XKR4: variants seen among roughly 807,000 people sequenced by gnomAD.
The protein encoded by XKR4 is XK-related protein 4.
A neutral mutation model predicts 53.9 loss-of-function variants in XKR4; 12 were observed. The observed-to-expected ratio is 0.22, with a 90% CI of 0.14 to 0.36. The LOEUF (loss-of-function observed/expected upper bound fraction) is 0.36, where lower values mean the gene tolerates loss of function less well. XKR4 is among the 10% of genes least tolerant of loss of function. The probability of loss-of-function intolerance (pLI) is 1.00; values close to 1 mark genes in which losing one functional copy is unlikely to be tolerated. For synonymous variants in XKR4, 354 were observed against 362.4 expected, an observed-to-expected ratio of 0.98 and a Z score of 0.26; for missense variants, 799 against 859.5, an observed-to-expected ratio of 0.93 and a Z score of 0.88.
intron 1 of XKR4, among the ~76,000 whole-genome samples, chr8:55,132,749 G>T (rs1358569794): frequency 6.6e-6 from 1 of 152,152 alleles, no homozygotes; most frequent in Non-Finnish European, 1.5e-5. Context: ...TTCCTAAGTG[G>T]GAAAGCCTGG....
chr8:55,294,368 C>G (rs1272275729), intron 1 of XKR4, among the ~76,000 whole-genome samples: 1 of 152,192 alleles, frequency 6.6e-6, no homozygotes, highest in Non-Finnish European at 1.5e-5. Flanking sequence ...TCCTTCATGA[C>G]ATTATCACTT....
intron 2 of XKR4, among the ~76,000 whole-genome samples, chr8:55,521,765 T>A (rs1292196345): frequency 6.6e-6 from 1 of 152,230 alleles, no homozygotes; most frequent in Non-Finnish European, 1.5e-5. Context: ...ATTAGTGTGG[T>A]CTTTTTCCAC....
intron 2 of XKR4, chr8:55,449,504 GA>G: frequency 7.4e-7 from 1 of 1,355,298 alleles, no homozygotes. Context: ...GCAAGGTCGG[GA>G]GGCTCAGGCG....
At chr8:55,518,380 G>A (rs140301074) in intron 2 of XKR4, among the ~76,000 whole-genome samples, 11 of 151,808 alleles carry the variant, frequency 7.2e-5, no homozygotes, top group East Asian at 1.9e-4. Context: ...TTTTCCTTCC[G>A]TCCTTCCTTC....
intron 1 of XKR4, among the ~76,000 whole-genome samples, chr8:55,122,131 A>G (rs1186762030): frequency 6.6e-6 from 1 of 152,212 alleles, no homozygotes; most frequent in African/African-American, 2.4e-5. Flanking sequence ...TTTCATCCTC[A>G]TTTGTTTGAC....
intron 1 of XKR4, among the ~76,000 whole-genome samples, chr8:55,310,363 A>G (rs1205149753): frequency 6.6e-6 from 1 of 152,176 alleles, no homozygotes; most frequent in Non-Finnish European, 1.5e-5. Context: ...CATCTATAAA[A>G]TGGGAAAAAT....
At chr8:55,478,610 G>C (rs905234271) in intron 2 of XKR4, among the ~76,000 whole-genome samples, 1 of 152,108 alleles carries the variant, frequency 6.6e-6, no homozygotes, top group African/African-American at 2.4e-5. Context: ...CTGGCAAATT[G>C]GATAAAGAGT....
chr8:55,233,779 A>G (rs1231909091), intron 1 of XKR4, among the ~76,000 whole-genome samples: 3 of 152,224 alleles, frequency 2.0e-5, no homozygotes, highest in Admixed American at 2.0e-4. Flanking sequence ...ACCCATTGAA[A>G]CACCCTCCTT....
intron 2 of XKR4, among the ~76,000 whole-genome samples, chr8:55,358,452 T>C (rs1267565548): frequency 6.6e-6 from 1 of 152,202 alleles, no homozygotes; most frequent in Non-Finnish European, 1.5e-5. Flanking sequence ...ACTATGAAGT[T>C]TTATAAAACG....
At chr8:55,109,442 T>C (rs1816202703) in intron 1 of XKR4, among the ~76,000 whole-genome samples, 1 of 152,212 alleles carries the variant, frequency 6.6e-6, no homozygotes, top group African/African-American at 2.4e-5. Flanking sequence ...ACTCAGTATC[T>C]TCCCTGGAGC....
Position 55,263,686 on chromosome 8 carries a change from T to C in XKR4, c.807-93992T>C, listed in dbSNP as rs56003052. ...CCAATATATTGTGCTATATGTGCAA[T>C]TTTGAGCTATGAATTTCTTTCTTTC... On this transcript the variant is annotated intron_variant, in intron 1 of 2. Transcript: ENST00000327381. 3.7e-3 allele frequency among the ~76,000 whole-genome samples: 557 copies of C among 152,328 alleles called. 4 individuals are homozygous for C. The highest frequency in any genetic ancestry group is 0.012 in the African/African-American group (504 of 41,582).
intron 1 of XKR4, among the ~76,000 whole-genome samples, chr8:55,202,760 G>A (rs139031433): frequency 9.7e-4 from 148 of 152,322 alleles, no homozygotes; most frequent in Non-Finnish European, 1.7e-3. Context: ...ATGAATCATC[G>A]TTGATGAAGA....
At chr8:55,365,645 T>C (rs1026526795) in intron 2 of XKR4, among the ~76,000 whole-genome samples, 3 of 134,126 alleles carry the variant, frequency 2.2e-5, no homozygotes, top group Admixed American at 8.2e-5. Flanking sequence ...AGGCGGAGGT[T>C]GCGGTGGGCC....
chr8:55,448,752 C>T (rs1010833029), intron 2 of XKR4, among the ~76,000 whole-genome samples: 1 of 152,224 alleles, frequency 6.6e-6, no homozygotes, highest in Admixed American at 6.5e-5. Flanking sequence ...TAGGCTGAAG[C>T]TTTGCTTCAT....
At chr8:55,186,619 G>C (rs2129360476) in intron 1 of XKR4, among the ~76,000 whole-genome samples, 1 of 152,238 alleles carries the variant, frequency 6.6e-6, no homozygotes, top group African/African-American at 2.4e-5. Context: ...CGGTGCCACT[G>C]CACTCCAGCC....
At chr8:55,208,986 A>G (rs1563483444) in intron 1 of XKR4, among the ~76,000 whole-genome samples, 1 of 152,192 alleles carries the variant, frequency 6.6e-6, no homozygotes, top group African/African-American at 2.4e-5. Context: ...ATAAACTGTA[A>G]TTCAACACTG....
At chr8:55,347,727 G>T (rs1309665772) in intron 1 of XKR4, among the ~76,000 whole-genome samples, 1 of 152,162 alleles carries the variant, frequency 6.6e-6, no homozygotes, top group Non-Finnish European at 1.5e-5. Context: ...TGAGAGCTGG[G>T]TATTTAATCC....
At chr8:55,295,908 A>G (rs73680206) in intron 1 of XKR4, among the ~76,000 whole-genome samples, 24 of 152,230 alleles carry the variant, frequency 1.6e-4, no homozygotes, top group African/African-American at 5.3e-4. Flanking sequence ...TACTCCACAA[A>G]TCTATTAATA....
intron 1 of XKR4, among the ~76,000 whole-genome samples, chr8:55,335,710 T>C (rs970434743): frequency 4.6e-5 from 7 of 152,168 alleles, no homozygotes; most frequent in African/African-American, 1.7e-4. Context: ...AACAAACTTG[T>C]ACATTTATGC....
Sources: allele counts gnomAD v4.1 joint callset (sites outside exome capture counted in the v4.1 genomes callset), GRCh38; gene constraint gnomAD v4.1.1; transcripts MANE v1.5; gene names NCBI Gene and HGNC (gene_info 2026-07-23, HGNC 2026-07-21).